The following FSTL4 variants were observed in gnomAD, a reference collection of about 807,000 sequenced individuals.
FSTL4 encodes follistatin like 4.
A neutral mutation model predicts 78.2 loss-of-function variants in FSTL4; 28 were observed. The observed-to-expected ratio is 0.36, with a 90% CI of 0.27 to 0.49. FSTL4 has a LOEUF of 0.49. FSTL4 is among the 20% of genes least tolerant of loss of function. The probability of loss-of-function intolerance (pLI) is 0.98; values close to 1 mark genes in which losing one functional copy is unlikely to be tolerated. For missense variants in FSTL4, 922 were observed against 1,084.9 expected (o/e 0.85, Z 2.11); for synonymous variants, 422 against 440.5 (o/e 0.96, Z 0.53).
chr5:133,801,211 T>C, the FSTL4 span, among the ~76,000 whole-genome samples: 12 of 152,172 alleles, frequency 7.9e-5, no homozygotes, highest in African/African-American at 2.9e-4. Flanking sequence ...GCTCACTGTC[T>C]CTGAACCAAC....
At chr5:133,701,509 A>ACACACACACACCCCC in the FSTL4 span, among the ~76,000 whole-genome samples, 4 of 132,624 alleles carry the variant, frequency 3.0e-5, no homozygotes, top group Non-Finnish European at 6.4e-5. Context: ...ACACACACAC[A>ACACACACACACCCCC]CCCCACAGGC....
At chr5:133,404,919 C>T (rs10064426) in intron 3 of FSTL4, among the ~76,000 whole-genome samples, 6,186 of 152,264 alleles carry the variant, frequency 0.041, 439 homozygotes, top group African/African-American at 0.14. Context: ...AGAAAACTAA[C>T]GAGTGCTCCC....
chr5:133,466,486 G>C (rs895415226), intron 3 of FSTL4, among the ~76,000 whole-genome samples: 3 of 151,870 alleles, frequency 2.0e-5, no homozygotes, highest in Admixed American at 6.6e-5. Context: ...AGCTTGCAGT[G>C]AGCCGAGATA....
the FSTL4 span, among the ~76,000 whole-genome samples, chr5:133,830,633 C>T: frequency 6.6e-6 from 1 of 152,198 alleles, no homozygotes; most frequent in African/African-American, 2.4e-5. Flanking sequence ...ATGAAAAAAC[C>T]GAGCCTCAGG....
chr5:133,648,172 A>T, the FSTL4 span, among the ~76,000 whole-genome samples: 17 of 152,314 alleles, frequency 1.1e-4, no homozygotes, highest in African/African-American at 4.1e-4. Flanking sequence ...AAATGGACTA[A>T]TACAGGAAGA....
the FSTL4 span, among the ~76,000 whole-genome samples, chr5:133,691,739 A>G: frequency 6.6e-6 from 1 of 151,974 alleles, no homozygotes; most frequent in Non-Finnish European, 1.5e-5. Flanking sequence ...GGCACACAAG[A>G]GGTGCTCTGT....
In FSTL4 at chr5:133,483,896, G is replaced by T. The variant is rs1426004587; in HGVS notation, c.161-82910C>A. ...CACTACAGAGGTGCTGGCTATAAAG[G>T]CTTTCCTGTCTGTGGCTCCTCCCTG... On this transcript the variant is annotated intron_variant, in intron 3 of 15. Coordinates refer to ENST00000265342, the MANE Select transcript of FSTL4 (RefSeq NM_015082.2). Among the ~76,000 whole-genome samples the T allele has an allele frequency of 2.0e-5, 3 of 152,182 alleles. No individual in the cohort carries two copies. The East Asian group carries it at 5.8e-4, about 29-fold the overall frequency.
the FSTL4 span, among the ~76,000 whole-genome samples, chr5:133,815,516 T>C: frequency 2.0e-5 from 3 of 152,262 alleles, no homozygotes; most frequent in East Asian, 5.8e-4. Flanking sequence ...AATACGACTG[T>C]CCTCAGAAAT....
intron 3 of FSTL4, among the ~76,000 whole-genome samples, chr5:133,563,428 C>G (rs375009283): frequency 1.7e-4 from 26 of 152,218 alleles, no homozygotes; most frequent in African/African-American, 6.3e-4. Context: ...AGCCCAGAAG[C>G]ATTCCTCATC....
At chr5:133,256,807 C>A (rs1356602286) in intron 6 of FSTL4, among the ~76,000 whole-genome samples, 3 of 152,218 alleles carry the variant, frequency 2.0e-5, no homozygotes, top group Admixed American at 1.3e-4. Context: ...TAACCAGATT[C>A]AATCTTCCTG....
intron 4 of FSTL4, among the ~76,000 whole-genome samples, chr5:133,393,681 C>T (rs535769413): frequency 6.1e-4 from 93 of 152,370 alleles, no homozygotes; most frequent in African/African-American, 1.9e-3. Context: ...AGGCTTGTCC[C>T]CAGAGGCTCT....
the FSTL4 span, among the ~76,000 whole-genome samples, chr5:133,712,395 G>C: frequency 6.6e-6 from 1 of 152,324 alleles, no homozygotes; most frequent in South Asian, 2.1e-4. Context: ...GGTGGGAATG[G>C]TGCCCCTAGA....
At chr5:133,305,706 A>C (rs1425311066) in intron 6 of FSTL4, among the ~76,000 whole-genome samples, 1 of 152,142 alleles carries the variant, frequency 6.6e-6, no homozygotes, top group Non-Finnish European at 1.5e-5. Context: ...CCCAAGAGTG[A>C]GCTCTGTGTG....
intron 3 of FSTL4, among the ~76,000 whole-genome samples, chr5:133,496,112 C>T (rs978734835): frequency 7.9e-5 from 12 of 152,158 alleles, no homozygotes; most frequent in Admixed American, 1.3e-4. Flanking sequence ...ATCCTCCGAT[C>T]GTTCACTTCT....
chr5:133,708,439 T>A, the FSTL4 span, among the ~76,000 whole-genome samples: 1 of 152,150 alleles, frequency 6.6e-6, no homozygotes, highest in East Asian at 1.9e-4. Flanking sequence ...CTTCACTATG[T>A]GACCTGATTA....
Position 133,487,973 on chromosome 5 carries a change from GACCA to G in FSTL4, c.160+79209_160+79212del, listed in dbSNP as rs1758171701. 2.0e-5 allele frequency among the ~76,000 whole-genome samples: 3 copies of G among 152,190 alleles called. No homozygotes were observed. In the South Asian group the frequency reaches 6.2e-4, roughly 31 times the overall value. On this transcript the variant is annotated intron_variant, in intron 3 of 15. Coordinates refer to ENST00000265342, the MANE Select transcript of FSTL4 (RefSeq NM_015082.2). Reference sequence around the variant, plus strand: ...AGCGTAGATCATCAGGTCTGAAAGAGACCAACCAGTCAAACACCAGCCTTTTGCA... The same window carrying G: ...AGCGTAGATCATCAGGTCTGAAAGAGACCAGTCAAACACCAGCCTTTTGCA...
At chr5:133,619,082 C>G in the FSTL4 span, among the ~76,000 whole-genome samples, 99 of 152,294 alleles carry the variant, frequency 6.5e-4, no homozygotes, top group Non-Finnish European at 1.1e-3. Flanking sequence ...TCATGAAGCT[C>G]TTTTCCAGTG....
the FSTL4 span, among the ~76,000 whole-genome samples, chr5:133,821,548 C>G: frequency 1.3e-5 from 2 of 152,144 alleles, no homozygotes; most frequent in African/African-American, 4.8e-5. Context: ...ACTCTAGAAA[C>G]AGTGGGAACA....
intron 4 of FSTL4, among the ~76,000 whole-genome samples, chr5:133,320,460 A>G (rs1032087067): frequency 3.9e-5 from 6 of 152,198 alleles, no homozygotes; most frequent in Non-Finnish European, 7.3e-5. Context: ...GTCTAATTCT[A>G]GAAGAAATAC....
Sources: allele counts gnomAD v4.1 joint callset (sites outside exome capture counted in the v4.1 genomes callset), GRCh38; gene constraint gnomAD v4.1.1; transcripts MANE v1.5; gene names NCBI Gene and HGNC (gene_info 2026-07-23, HGNC 2026-07-21).